ARHGAP9: variants seen among roughly 807,000 people sequenced by gnomAD.
ARHGAP9 encodes Rho GTPase activating protein 9.
A neutral mutation model predicts 87.3 loss-of-function variants in ARHGAP9; 76 were observed. The ratio of observed to expected loss-of-function variants is 0.87; its 90% CI spans 0.72 to 1.05. The LOEUF is 1.05. Ranked by LOEUF, ARHGAP9 falls within the 50% of genes least tolerant of loss-of-function variation. The pLI is 0.00. For missense variants in ARHGAP9, 941 were observed against 960.5 expected, an observed-to-expected ratio of 0.98 and a Z score of 0.27; for synonymous variants, 382 against 394.9, an observed-to-expected ratio of 0.97 and a Z score of 0.39.
chr12:57,476,600 G>A lies in ARHGAP9; in HGVS notation c.1015C>T (p.Arg339Cys), dbSNP rs375187901. 1.3e-5 allele frequency: 21 copies of A among 1,614,000 alleles called. No homozygotes were observed. The highest frequency in any genetic ancestry group is 1.6e-4 in the Middle Eastern group (1 of 6,084). The change falls in exon 7 of 18, where the codon CGC (arginine) becomes TGC (cysteine). Residue 339 changes from arginine (R) to cysteine (C), a missense_variant. By Grantham distance (180) the Arg-to-Cys change is radical (BLOSUM62 -3). Coordinates refer to ENST00000393791, the MANE Select transcript of ARHGAP9 (RefSeq NM_032496.4). The stretch of plus-strand genomic sequence containing the variant: ...ATTCTGGGTTCTCACCTGAGCTTGC[G>A]CCCCCCTTGGGCAATCTTGGTCATG... ...LNMTKIAQGG[R>C]KLRKNWGPSW...
In ARHGAP9 at chr12:57,475,914, G is replaced by A; in HGVS notation, c.1230C>T (p.Gly410=). ...GGTCCGACTGCAGCAGGAACTCGTG[G>A]CCAGGGATCGTGCGGATCTGAGGGC... ...RNVLHIRTIP[G]HEFLLQSDHE... Residue 410 remains glycine, a synonymous_variant, in exon 10 of 18, where the codon GGC becomes GGT. Transcript: ENST00000393791. 1 of 1,613,562 alleles carries A rather than the reference G, an allele frequency of 6.2e-7. No individual in the cohort carries two copies. Among genetic ancestry groups the A allele is most frequent in the Non-Finnish European group, 8.5e-7 (1 of 1,179,768 alleles).
intron 15 of ARHGAP9, 61 bp from the exon 16 acceptor site, chr12:57,474,237 A>G: frequency 1.3e-6 from 2 of 1,591,780 alleles, no homozygotes; most frequent in South Asian, 1.1e-5. Context: ...AGACTGAGAG[A>G]TTAGAAGTTC....
rs761762448 is a variant in ARHGAP9 at position 57,473,635 on chromosome 12, G to A, written c.1992C>T (p.Asp664=). The change falls in exon 17 of 18, where the codon GAC becomes GAT. Residue 664 remains aspartate, a synonymous_variant. Transcript: ENST00000393791. ...LIGSMPKPNH[D]TLRYLLEHLC... is the part of the protein sequence containing the mutation. Reference sequence around the variant, plus strand: ...AATGCTCCAGGAGGTACCGTAGAGTGTCATGGTTGGGCTTTGGCATTGAGC... The same window carrying A: ...AATGCTCCAGGAGGTACCGTAGAGTATCATGGTTGGGCTTTGGCATTGAGC... 11 of 1,613,908 alleles carry A rather than the reference G, an allele frequency of 6.8e-6. No homozygotes were observed. The South Asian group carries it at 1.1e-4, about 16-fold the overall frequency.
At chr12:57,478,019 A>G (rs1874416252) in intron 3 of ARHGAP9, 1 of 1,105,984 alleles carries the variant, frequency 9.0e-7, no homozygotes, top group Non-Finnish European at 1.1e-6. Flanking sequence ...CCTGCAAGGT[A>G]AAAGAAGACA....
At chr12:57,475,429 CG>C in intron 11 of ARHGAP9, 31 bp from the exon 12 acceptor site, 1 of 1,576,968 alleles carries the variant, frequency 6.3e-7, no homozygotes, top group Non-Finnish European at 8.6e-7. Context: ...GGGGCGTGAG[CG>C]CCCGGGAGCC....
At chr12:57,482,401 C>T (rs1275068464), upstream of ARHGAP9, among the ~76,000 whole-genome samples, 1 of 152,118 alleles carries the variant, frequency 6.6e-6, no homozygotes, top group Non-Finnish European at 1.5e-5. Context: ...CCACCATGTC[C>T]AGCTAATTTT....
Position 57,477,674 on chromosome 12 carries a change from G to GGCCT in ARHGAP9, c.537_540dup (p.Pro181ArgfsTer14). On this transcript the variant is annotated frameshift_variant, in exon 4 of 18. Transcript: ENST00000393791. LOFTEE classifies it high-confidence loss of function. The stretch of plus-strand genomic sequence containing the variant: ...GGGGGCTCTGACATGAGGGGCTGGG[G>GGCCT]GCCTGCCTGCCAGAAAAGGGGGAAG... 6.2e-7 allele frequency: 1 copy of GGCCT among 1,611,472 alleles called. No individual in the cohort carries two copies. Among genetic ancestry groups the GGCCT allele is most frequent in the Non-Finnish European group, 8.5e-7 (1 of 1,178,254 alleles).
chr12:57,477,709 G>A (rs1874289172), intron 3 of ARHGAP9, 29 bp from the exon 4 acceptor site: 2 of 1,606,136 alleles, frequency 1.2e-6, no homozygotes, highest in African/African-American at 1.3e-5. Context: ...GAAGGAGGTG[G>A]TCATTCTGCC....
chr12:57,476,358 A>G lies in ARHGAP9; in HGVS notation c.1116+6T>C, dbSNP rs1214813089. On this transcript the variant is annotated splice_donor_region_variant and intron_variant, in intron 8 of 17. Transcript: ENST00000393791. The stretch of plus-strand genomic sequence containing the variant: ...CACCCATCCTGCGCCTCTCGCTCAC[A>G]CTCACCCAGCCTGAGGAGGGCGCTG... 1.2e-6 allele frequency: 2 copies of G among 1,612,746 alleles called. No homozygotes were observed. Among genetic ancestry groups the G allele is most frequent in the Non-Finnish European group, 1.7e-6 (2 of 1,179,664 alleles).
Position 57,488,372 on chromosome 12 carries a change from C to T in ARHGAP9, c.-204+240G>A, listed in dbSNP as rs1875626214. 7 of 730,732 alleles carry T rather than the reference C, an allele frequency of 9.6e-6. No individual in the cohort carries two copies. The East Asian group carries it at 1.9e-4, about 20-fold the overall frequency. The allele number at this position is 730,732 out of a possible 1,614,324, so 45.3% of individuals were successfully genotyped here. A position where few individuals can be genotyped will look rare whatever the true frequency, so the allele number is the denominator to read the frequency against. On this transcript the variant is annotated intron_variant, in intron 1 of 20. Coordinates refer to the ARHGAP9 transcript ENST00000393797. ...TCTTCCCTCCCAGTCACATCTTTCA[C>T]TTCCTTTAATTACCCTCAATATAAT... is the stretch of plus-strand genomic sequence containing the variant.
In ARHGAP9 at chr12:57,477,463, T is replaced by A. The variant is rs764722497; in HGVS notation, c.752A>T (p.Glu251Val). 4.3e-6 allele frequency: 7 copies of A among 1,613,902 alleles called. No individual in the cohort carries two copies. The African/African-American group carries it at 9.3e-5, about 22-fold the overall frequency. ...AAGCAGGAGGTAAGGTCTCACCGTC[T>A]CGCTGCGACTGCGGCGCGGGGGCTT... ...SWKPPRRSRS[E>V]TNPGSMEGTQ... The change falls in exon 4 of 18, where the codon GAG becomes GTG. Residue 251 changes from glutamate to valine, a missense_variant. Glu to Val is a moderately radical substitution (Grantham distance 121). Coordinates refer to ENST00000393791, the MANE Select transcript of ARHGAP9 (RefSeq NM_032496.4).
chr12:57,473,566 T>C, intron 17 of ARHGAP9, 37 bp downstream of exon 17: 1 of 1,578,060 alleles, frequency 6.3e-7, no homozygotes, highest in Non-Finnish European at 8.7e-7. Flanking sequence ...CACTCCACCT[T>C]TCCCCAGCAT....
upstream of ARHGAP9, chr12:57,480,927 G>T: frequency 8.1e-7 from 1 of 1,241,910 alleles, no homozygotes; most frequent in Non-Finnish European, 1.2e-6. Context: ...GGGCTGGGTG[G>T]CTAGTACTGG....
At chr12:57,472,737 T>C in intron 17 of ARHGAP9, 49 bp from the exon 18 acceptor site, 1 of 1,588,100 alleles carries the variant, frequency 6.3e-7, no homozygotes, top group East Asian at 2.2e-5. Context: ...GCTTGCCACT[T>C]CATAGCAATC....
chr12:57,488,262 C>T (rs1172076941), intron 1 of ARHGAP9: 4 of 1,487,252 alleles, frequency 2.7e-6, no homozygotes, highest in Non-Finnish European at 2.8e-6. Flanking sequence ...GCCAGATTCT[C>T]TGCAGCTGTC....
At chr12:57,488,147 C>T (rs1565635669) in intron 1 of ARHGAP9, 2 of 1,614,106 alleles carry the variant, frequency 1.2e-6, no homozygotes, top group East Asian at 2.2e-5. Context: ...TGGCCGCCGC[C>T]GGGAGAGCCC....
At chr12:57,475,702 C>A (rs2139913798) in intron 10 of ARHGAP9, 87 bp from the exon 11 acceptor site, 1 of 1,554,816 alleles carries the variant, frequency 6.4e-7, no homozygotes, top group Non-Finnish European at 8.7e-7. Context: ...CGGGGTCCCA[C>A]ATCCCGGCCC....
upstream of ARHGAP9, chr12:57,484,141 A>G (rs1875231026): frequency 5.2e-6 from 1 of 192,902 alleles, no homozygotes; most frequent in African/African-American, 2.4e-5. Flanking sequence ...TCACAAGGTC[A>G]GGAGTTCGAG....
In ARHGAP9 at chr12:57,479,201, G is replaced by A. The variant is rs1251296534; in HGVS notation, c.206C>T (p.Ala69Val). Residue 69 changes from alanine (A) to valine (V), a missense_variant, in exon 2 of 18, where the codon GCT becomes GTT. Transcript: ENST00000393791. The part of the protein sequence containing the change: ...SDWWLARRLE[A>V]PSTSRPIFVP... Reference sequence around the variant, plus strand: ...GAAGATGGGTCGAGAGGTGGAGGGAGCTTCTAGGCGTCTTGCCAACCACCA... The same window carrying A: ...GAAGATGGGTCGAGAGGTGGAGGGAACTTCTAGGCGTCTTGCCAACCACCA... 8.7e-6 allele frequency: 14 copies of A among 1,614,106 alleles called. No individual in the cohort carries two copies. The highest frequency in any genetic ancestry group is 1.1e-5 in the Non-Finnish European group (13 of 1,180,044).
Sources: allele counts gnomAD v4.1 joint callset (sites outside exome capture counted in the v4.1 genomes callset), GRCh38; gene constraint gnomAD v4.1.1; transcripts MANE v1.5; gene names NCBI Gene and HGNC (gene_info 2026-07-23, HGNC 2026-07-21).